The following PRDM16 variants were observed in gnomAD, a reference collection of about 807,000 sequenced individuals.
PRDM16 encodes histone-lysine N-methyltransferase PRDM16.
In PRDM16, 23 loss-of-function variants were observed where a neutral mutation model predicts 110.6. The ratio of observed to expected loss-of-function variants is 0.21; its 90% CI spans 0.15 to 0.29. The LOEUF is 0.29. Among genes scored for constraint, PRDM16 ranks in the 10% least tolerant of loss-of-function variants. The pLI is 1.00. For missense variants in PRDM16, 1,615 were observed against 1,794.3 expected, an observed-to-expected ratio of 0.90 and a Z score of 1.81; for synonymous variants, 799 against 781.8, an observed-to-expected ratio of 1.02 and a Z score of -0.37.
rs185941806 is a variant in PRDM16 at position 3,381,923 on chromosome 1, A to G, written c.439-3229A>G. 5.5e-3 allele frequency among the ~76,000 whole-genome samples: 836 copies of G among 152,300 alleles called. 5 individuals carry two copies. The highest frequency in any genetic ancestry group is 9.6e-3 in the Non-Finnish European group (654 of 68,012). On this transcript the variant is annotated intron_variant, in intron 3 of 16. Transcript: ENST00000270722. Reference sequence around the variant, plus strand: ...GGCCACCACCTGTACAGGGGCTGTGAGTCCCCTGCCCCACAGTGACCTCCA... The same window carrying G: ...GGCCACCACCTGTACAGGGGCTGTGGGTCCCCTGCCCCACAGTGACCTCCA...
intron 1 of PRDM16, among the ~76,000 whole-genome samples, chr1:3,075,474 A>G (rs953501626): frequency 6.6e-6 from 1 of 152,284 alleles, no homozygotes; most frequent in African/African-American, 2.4e-5. Context: ...AAAAATGTAT[A>G]AAATCAGCTT....
intron 3 of PRDM16, among the ~76,000 whole-genome samples, chr1:3,375,321 T>C (rs1642973192): frequency 6.6e-6 from 1 of 152,240 alleles, no homozygotes; most frequent in African/African-American, 2.4e-5. Context: ...GACCCTGCTC[T>C]TTCCACGCAC....
At chr1:3,105,819 C>A (rs561848301) in intron 1 of PRDM16, among the ~76,000 whole-genome samples, 2 of 152,226 alleles carry the variant, frequency 1.3e-5, no homozygotes, top group Admixed American at 6.5e-5. Context: ...CTTCCCCCTG[C>A]GGCGCCCCAG....
intron 1 of PRDM16, among the ~76,000 whole-genome samples, chr1:3,169,893 G>A (rs1192993421): frequency 1.3e-5 from 2 of 152,234 alleles, no homozygotes; most frequent in Non-Finnish European, 2.9e-5. Flanking sequence ...ATAGCGGGGG[G>A]ACTGTCGTTA....
chr1:3,293,980 C>T (rs566613286), intron 3 of PRDM16, among the ~76,000 whole-genome samples: 10 of 152,224 alleles, frequency 6.6e-5, no homozygotes, highest in Non-Finnish European at 7.4e-5. Flanking sequence ...TGACAGGATT[C>T]GGGTTTCTGG....
chr1:3,098,153 C>A (rs1557444219), intron 1 of PRDM16, among the ~76,000 whole-genome samples: 1 of 152,134 alleles, frequency 6.6e-6, no homozygotes, highest in Non-Finnish European at 1.5e-5. Flanking sequence ...CGTGTGGAAT[C>A]CTCTGCAGGT....
intron 3 of PRDM16, among the ~76,000 whole-genome samples, chr1:3,321,384 GTC>G (rs1466996313): frequency 1.8e-5 from 2 of 109,780 alleles, no homozygotes; most frequent in Non-Finnish European, 3.7e-5. Flanking sequence ...TTGTGTGTGG[GTC>G]TCTGTGAGTG....
intron 1 of PRDM16, among the ~76,000 whole-genome samples, chr1:3,145,912 C>T (rs567212276): frequency 2.6e-5 from 4 of 152,354 alleles, no homozygotes; most frequent in South Asian, 2.1e-4. Flanking sequence ...GTCAGGCTGA[C>T]GTCCTGGAGA....
At chr1:3,398,738 G>T (rs1643423087) in intron 5 of PRDM16, among the ~76,000 whole-genome samples, 1 of 152,262 alleles carries the variant, frequency 6.6e-6, no homozygotes, top group Non-Finnish European at 1.5e-5. Context: ...CAAACAAGAT[G>T]TGAGGTCACC....
At chr1:3,328,204 C>A (rs1020753613) in intron 3 of PRDM16, among the ~76,000 whole-genome samples, 3 of 152,234 alleles carry the variant, frequency 2.0e-5, no homozygotes, top group African/African-American at 7.2e-5. Context: ...CCTGTCCACA[C>A]CCCCAGCTGT....
intron 3 of PRDM16, among the ~76,000 whole-genome samples, chr1:3,310,512 G>A: frequency 6.6e-6 from 1 of 152,134 alleles, no homozygotes; most frequent in Non-Finnish European, 1.5e-5. Context: ...AGGGGTCTCA[G>A]CCAAGCTCCA....
At chr1:3,178,404 G>A (rs1262320835) in intron 1 of PRDM16, among the ~76,000 whole-genome samples, 1 of 152,184 alleles carries the variant, frequency 6.6e-6, no homozygotes, top group Non-Finnish European at 1.5e-5. Context: ...GCTCTGCGGA[G>A]AGGTGGTTCT....
chr1:3,112,790 G>A (rs1482103929), intron 1 of PRDM16, among the ~76,000 whole-genome samples: 2 of 152,258 alleles, frequency 1.3e-5, no homozygotes, highest in Non-Finnish European at 2.9e-5. Flanking sequence ...TCTGAGGTCT[G>A]CACTCCCCTA....
rs1254299757 is a variant in PRDM16, at chr1:3,353,608, G to A, written c.439-31544G>A. ...GGCCACAGGGGATGAGTCCAGCCCC[G>A]CAGTGTGACCGGCAGTTGGCAAACC... On this transcript the variant is annotated intron_variant, in intron 3 of 16. Coordinates refer to ENST00000270722, the MANE Select transcript of PRDM16 (RefSeq NM_022114.4). The surrounding 1 kb of genome is among the most constrained non-coding windows in gnomAD (Gnocchi z 5.4). Among the ~76,000 whole-genome samples the A allele has an allele frequency of 1.3e-5, 2 of 152,204 alleles. No homozygotes were observed. Among genetic ancestry groups the A allele is most frequent in the Non-Finnish European group, 2.9e-5 (2 of 68,024 alleles).
chr1:3,118,009 CGTGTGT>C (rs751164390), intron 1 of PRDM16, among the ~76,000 whole-genome samples: 308 of 151,402 alleles, frequency 2.0e-3, no homozygotes, highest in African/African-American at 6.7e-3. Context: ...TGTGCGTGTG[CGTGTGT>C]GCATGTGTAC....
intron 4 of PRDM16, among the ~76,000 whole-genome samples, chr1:3,387,810 T>G (rs371328088): frequency 6.9e-4 from 105 of 152,376 alleles, no homozygotes; most frequent in African/African-American, 2.3e-3. Flanking sequence ...TTCCTTTGAA[T>G]AATAATAAGA....
rs1349339251 is a variant in PRDM16, at chr1:3,412,354, C to T, written c.2157C>T (p.Leu719=). 2 of 1,613,658 alleles carry T rather than the reference C, an allele frequency of 1.2e-6. No homozygotes were observed. Among genetic ancestry groups the T allele is most frequent in the Admixed American group, 3.3e-5 (2 of 60,030 alleles). ...TGCAGGAGAAGAAGCTGGGCTCGCT[C>T]CCCTACCACTCGGCGTTCCCCTTCC... ...MGMQEKKLGS[L]PYHSAFPFQF... is the part of the protein sequence containing the mutation. Residue 719 remains leucine, a synonymous_variant, in exon 9 of 17, where the codon CTC becomes CTT. Transcript: ENST00000270722.
At chr1:3,116,069 G>A (rs555374541) in intron 1 of PRDM16, among the ~76,000 whole-genome samples, 1 of 152,208 alleles carries the variant, frequency 6.6e-6, no homozygotes, top group Non-Finnish European at 1.5e-5. Context: ...TGGCCAGCCG[G>A]AGCCCCTCAC....
rs1643281483 is a variant in PRDM16, at chr1:3,390,559, T to C, written c.573+5273T>C. Reference sequence around the variant, plus strand: ...CTCCACAGAGTGTTCCGCGCAGGCATTGTGTTAGAAGAGTGGCCGCCGGTG... The same window carrying C: ...CTCCACAGAGTGTTCCGCGCAGGCACTGTGTTAGAAGAGTGGCCGCCGGTG... On this transcript the variant is annotated intron_variant, in intron 4 of 16. Coordinates refer to ENST00000270722, the MANE Select transcript of PRDM16 (RefSeq NM_022114.4). The surrounding 1 kb of genome is among the most constrained non-coding windows in gnomAD (Gnocchi z 5.0). Among the ~76,000 whole-genome samples the C allele has an allele frequency of 1.3e-5, 2 of 152,022 alleles. No individual in the cohort carries two copies. The highest frequency in any genetic ancestry group is 2.1e-4 in the South Asian group (1 of 4,802).
Sources: gnomAD v4.1 joint callset for allele counts (sites outside exome capture counted in the v4.1 genomes callset) on GRCh38, gnomAD v4.1.1 for gene constraint, Gnocchi (gnomAD v3.1) non-coding constraint, MANE v1.5 for transcripts, NCBI Gene and HGNC (gene_info 2026-07-23, HGNC 2026-07-21) for gene names.